The following HNRNPDL variants were observed in gnomAD, a reference collection of about 807,000 sequenced individuals.
HNRNPDL encodes heterogeneous nuclear ribonucleoprotein D like.
In HNRNPDL, 18 loss-of-function variants were observed where a neutral mutation model predicts 48.0. That is an observed-to-expected ratio of 0.38 (90% CI 0.26 to 0.56). HNRNPDL has a LOEUF of 0.56. HNRNPDL is among the 20% of genes least tolerant of loss of function. The pLI is 0.77. For missense variants in HNRNPDL, 553 were observed against 540.7 expected (o/e 1.02, Z -0.23); for synonymous variants, 306 against 207.3 (o/e 1.48, Z -4.09).
Position 82,422,787 on chromosome 4 carries a change from T to C in HNRNPDL, c.*2119A>G, listed in dbSNP as rs575043451. On this transcript the variant is annotated 3_prime_UTR_variant, in exon 8 of 8. Transcript: ENST00000295470. ...TTAATTTCTATCCTCTTCCCGAGGA[T>C]AACATCACACAGAATTTGGTCTAAA... 1.3e-5 allele frequency: 2 copies of C among 152,344 alleles called. No homozygotes were observed. The highest frequency in any genetic ancestry group is 1.5e-5 in the Non-Finnish European group (1 of 68,030). The allele number at this position is 152,344 out of a possible 1,614,324, so 9.4% of individuals were successfully genotyped here. A position where few individuals can be genotyped will look rare whatever the true frequency, so the allele number is the denominator to read the frequency against.
chr4:82,427,355 A>T, intron 4 of HNRNPDL, 51 bp from the exon 5 acceptor site: 1 of 1,533,048 alleles, frequency 6.5e-7, no homozygotes, highest in Non-Finnish European at 8.8e-7. Context: ...TCTAAAATTA[A>T]ATCATTTTAT....
chr4:82,428,545 CT>C, intron 1 of HNRNPDL, 99 bp from the exon 2 acceptor site: 2 of 907,732 alleles, frequency 2.2e-6, no homozygotes, highest in Middle Eastern at 2.9e-4. Context: ...CATTTACCCC[CT>C]AAGTGTAGGC....
chr4:82,427,481 T>A lies in HNRNPDL; in HGVS notation c.858A>T (p.Pro286=). 1 of 1,611,028 alleles carries A rather than the reference T, an allele frequency of 6.2e-7. No individual in the cohort carries two copies. The highest frequency in any genetic ancestry group is 1.7e-5 in the Admixed American group (1 of 59,548). The stretch of plus-strand genomic sequence containing the variant: ...ATCTGCTTTCTAACAATTTTTTTAC[T>A]GGCTCTTCATCAGTATATGTGATAA... ...FCFITYTDEE[P]VKKLLESRYH... Residue 286 remains proline (P), a synonymous_variant, in exon 4 of 8, where the codon CCA becomes CCT. Transcript: ENST00000295470.
Position 82,424,415 on chromosome 4 carries a change from G to A in HNRNPDL, c.*491C>T, listed in dbSNP as rs1412458285. 2.0e-5 allele frequency: 3 copies of A among 152,608 alleles called. No homozygotes were observed. Among genetic ancestry groups the A allele is most frequent in the African/African-American group, 4.8e-5 (2 of 41,450 alleles). 9.5% of individuals were successfully genotyped at this position (152,608 alleles called of 1,614,324 possible). On this transcript the variant is annotated 3_prime_UTR_variant, in exon 8 of 8. Coordinates refer to ENST00000295470, the MANE Select transcript of HNRNPDL (RefSeq NM_031372.4). ...GGAAAGAACATTGTTCAAAGGTGTG[G>A]TAGAAATCTCAGTTACAGGGAGAAG...
Position 82,426,122 on chromosome 4 carries a change from C to G in HNRNPDL, c.1200G>C (p.Gln400His). The G allele has an allele frequency of 1.2e-6, 2 of 1,613,520 alleles. No individual in the cohort carries two copies. Among genetic ancestry groups the G allele is most frequent in the Non-Finnish European group, 1.7e-6 (2 of 1,179,696 alleles). The change falls in exon 7 of 8, where the codon CAG becomes CAC. Residue 400 changes from glutamine (Q) to histidine (H), a missense_variant. This residue lies in a region of HNRNPDL where 9 missense variants were observed against 28.9 expected (regional missense o/e 0.31). Coordinates refer to ENST00000295470, the MANE Select transcript of HNRNPDL (RefSeq NM_031372.4). ...GQGYADYSGQ[Q>H]STYGKASRGG... ...CTCGAGATGCCTTGCCATAAGTGCT[C>G]TGTTGGCCTATTTTGAAAACACAGA...
Position 82,429,436 on chromosome 4 carries a change from G to A in HNRNPDL, c.255C>T (p.Leu85=), listed in dbSNP as rs773462746. 40 of 1,612,022 alleles carry A rather than the reference G, an allele frequency of 2.5e-5. No individual in the cohort carries two copies. In the Admixed American group the frequency reaches 3.0e-4, roughly 12 times the overall value. The part of the protein sequence containing the change: ...IKGGRRRRPD[L]FRRHFKSSSI... ...AGCTGGATTTAAAATGGCGGCGGAAGAGATCCGGGCGCCGCCTGCGCCCTC... is the reference window on the plus strand; with the variant it reads ...AGCTGGATTTAAAATGGCGGCGGAAAAGATCCGGGCGCCGCCTGCGCCCTC... The change falls in exon 1 of 8, where the codon CTC becomes CTT. Residue 85 remains leucine, a synonymous_variant. Coordinates refer to ENST00000295470, the MANE Select transcript of HNRNPDL (RefSeq NM_031372.4).
chr4:82,429,653 G>T lies in HNRNPDL; in HGVS notation c.38C>A (p.Pro13Gln). ...VPPRLSHVPP[P>Q]LFPSAPATLA... ...AGTAGCGGGAGCGGAGGGGAACAATGGCGGCGGCACATGGGAAAGCCTGGG... is the reference window on the plus strand; with the variant it reads ...AGTAGCGGGAGCGGAGGGGAACAATTGCGGCGGCACATGGGAAAGCCTGGG... The change falls in exon 1 of 8, where the codon CCA becomes CAA. Residue 13 changes from proline to glutamine, a missense_variant. Physicochemically the swap from Pro to Gln is moderately conservative, Grantham distance 76 (BLOSUM62 -1). Transcript: ENST00000295470. 1 of 1,366,540 alleles carries T rather than the reference G, an allele frequency of 7.3e-7. No individual in the cohort carries two copies. The highest frequency in any genetic ancestry group is 3.0e-5 in the East Asian group (1 of 33,050). 84.7% of individuals were successfully genotyped at this position (1,366,540 alleles called of 1,614,324 possible).
intron 1 of HNRNPDL, 24 bp downstream of exon 1, chr4:82,429,224 A>AGCGGGG: frequency 1.3e-6 from 2 of 1,598,456 alleles, no homozygotes; most frequent in Non-Finnish European, 1.7e-6. Context: ...GGGGAGGGGG[A>AGCGGGG]GCGGGGGAAG....
At position 82,429,643 on chromosome 4, in the gene HNRNPDL, G is replaced by A. The variant is rs560994334; in HGVS notation, c.48C>T (p.Pro16=). ...RLSHVPPPLF[P]SAPATLASRS... ...GGGAGGCTAAAGTAGCGGGAGCGGA[G>A]GGGAACAATGGCGGCGGCACATGGG... Residue 16 remains proline, a synonymous_variant, in exon 1 of 8, where the codon CCC becomes CCT. Coordinates refer to ENST00000295470, the MANE Select transcript of HNRNPDL (RefSeq NM_031372.4). 44 of 1,369,004 alleles carry A rather than the reference G, an allele frequency of 3.2e-5. No individual in the cohort carries two copies. Among genetic ancestry groups the A allele is most frequent in the South Asian group, 2.8e-4 (16 of 56,234 alleles). 84.8% of individuals were successfully genotyped at this position (1,369,004 alleles called of 1,614,324 possible).
At position 82,426,613 on chromosome 4, in the gene HNRNPDL, G is replaced by A. The variant is rs1319858468; in HGVS notation, c.1042C>T (p.Gln348Ter). The change falls in exon 6 of 8, where the codon CAA becomes TAA. Residue 348 changes from glutamine (Q) to a stop codon, truncating the protein, a stop_gained. Transcript: ENST00000295470. LOFTEE classifies it high-confidence loss of function. ...TGATCATAATAGTTATTAAATCCTTGGTTCCAGTTTTGGCCCTGACCTGAA... is the reference window on the plus strand; with the variant it reads ...TGATCATAATAGTTATTAAATCCTTAGTTCCAGTTTTGGCCCTGACCTGAA... The part of the protein sequence containing the change: ...RGRGQGQNWN[Q>*]GFNNYYDQGY... The A allele has an allele frequency of 6.2e-7, 1 of 1,613,454 alleles. No individual in the cohort carries two copies. The highest frequency in any genetic ancestry group is 1.3e-5 in the African/African-American group (1 of 74,812).
Position 82,428,436 on chromosome 4 carries a change from T to C in HNRNPDL, c.454A>G (p.Ile152Val). The change falls in exon 2 of 8, where the codon ATT (isoleucine) becomes GTT (valine). Residue 152 changes from isoleucine to valine, a missense_variant. By Grantham distance (29) the Ile-to-Val change is conservative. Around this residue, in one of 4 missense-constraint regions of HNRNPDL, gnomAD observed 43 missense variants for 104.0 expected, o/e 0.41. Coordinates refer to ENST00000295470, the MANE Select transcript of HNRNPDL (RefSeq NM_031372.4). ...CTTGTATCCCAGCTCAAGCCTCCAA[T>C]AAACATTTTACTAGAAATAAAAGTG... is the stretch of plus-strand genomic sequence containing the variant. ...KNQQDDGKMF[I>V]GGLSWDTSKK... 6.3e-7 allele frequency: 1 copy of C among 1,598,864 alleles called. No individual in the cohort carries two copies. Among genetic ancestry groups the C allele is most frequent in the South Asian group, 1.1e-5 (1 of 88,778 alleles).
In HNRNPDL at chr4:82,422,773, C is replaced by G. The variant is rs117839267; in HGVS notation, c.*2133G>C. ...TAGGTACTTTAGAATTAATTTCTAT[C>G]CTCTTCCCGAGGATAACATCACACA... is the stretch of plus-strand genomic sequence containing the variant. On this transcript the variant is annotated 3_prime_UTR_variant, in exon 8 of 8. Transcript: ENST00000295470. The G allele has an allele frequency of 2.0e-5, 3 of 152,138 alleles. No individual in the cohort carries two copies. The East Asian group carries it at 5.8e-4, about 29-fold the overall frequency. The allele number at this position is 152,138 out of a possible 1,614,324, so 9.4% of individuals were successfully genotyped here.
rs181209193 is a variant in HNRNPDL, at chr4:82,426,561, T to G, written c.1094A>C (p.Tyr365Ser). The part of the protein sequence containing the change: ...DQGYGNYNSA[Y>S]GGDQNYSGYG... ...GCCACTATAGTTTTGATCACCACCATAGGCACTATTGTAATTTCCATATCC... is the reference window on the plus strand; with the variant it reads ...GCCACTATAGTTTTGATCACCACCAGAGGCACTATTGTAATTTCCATATCC... The change falls in exon 6 of 8, where the codon TAT (tyrosine) becomes TCT (serine). Residue 365 changes from tyrosine (Y) to serine (S), a missense_variant. Tyr to Ser is a moderately radical substitution (Grantham distance 144, BLOSUM62 -2). Coordinates refer to ENST00000295470, the MANE Select transcript of HNRNPDL (RefSeq NM_031372.4). 1.9e-6 allele frequency: 3 copies of G among 1,613,348 alleles called. No individual in the cohort carries two copies. The highest frequency in any genetic ancestry group is 1.7e-5 in the Admixed American group (1 of 60,028).
chr4:82,424,020 A>C lies in HNRNPDL; in HGVS notation c.*886T>G, dbSNP rs1208120273. On this transcript the variant is annotated 3_prime_UTR_variant, in exon 8 of 8. Transcript: ENST00000295470. ...CTTGTGGCGGCTCTGAGAAAACACAACTAAATCTTATTTTGCCACTATTTT... is the reference window on the plus strand; with the variant it reads ...CTTGTGGCGGCTCTGAGAAAACACACCTAAATCTTATTTTGCCACTATTTT... 6.6e-6 allele frequency: 1 copy of C among 152,136 alleles called. No individual in the cohort carries two copies. The highest frequency in any genetic ancestry group is 6.5e-5 in the Admixed American group (1 of 15,282). The allele number at this position is 152,136 out of a possible 1,614,324, so 9.4% of individuals were successfully genotyped here. A position where few individuals can be genotyped will look rare whatever the true frequency, so the allele number is the denominator to read the frequency against.
chr4:82,425,054 G>C (rs1040554770), intron 7 of HNRNPDL, 171 bp from the exon 8 acceptor site: 1 of 152,136 alleles, frequency 6.6e-6, no homozygotes, highest in Admixed American at 6.5e-5. Flanking sequence ...TCACCCTGGA[G>C]TTCCCAAATG....
chr4:82,425,954 A>G (rs1336786956), intron 7 of HNRNPDL, 83 bp downstream of exon 7: 19 of 918,560 alleles, frequency 2.1e-5, no homozygotes, highest in Middle Eastern at 3.2e-4. Flanking sequence ...GCTACATAGT[A>G]TTTTGTTTTT....
At chr4:82,427,331 A>G in intron 4 of HNRNPDL, 27 bp from the exon 5 acceptor site, 1 of 1,544,744 alleles carries the variant, frequency 6.5e-7, no homozygotes, top group Non-Finnish European at 8.8e-7. Context: ...TGAAAGTATA[A>G]TTTTTACCGA....
In HNRNPDL at chr4:82,429,677, G is replaced by C; in HGVS notation, c.14C>G (p.Pro5Arg). 1 of 1,357,492 alleles carries C rather than the reference G, an allele frequency of 7.4e-7. No individual in the cohort carries two copies. Among genetic ancestry groups the C allele is most frequent in the Non-Finnish European group, 9.5e-7 (1 of 1,056,188 alleles). 84.1% of individuals were successfully genotyped at this position (1,357,492 alleles called of 1,614,324 possible). A position where few individuals can be genotyped will look rare whatever the true frequency, so the allele number is the denominator to read the frequency against. ...TGGCGGCGGCACATGGGAAAGCCTG[G>C]GCGGGACCTCCATCGCGGCCCTCCC... MEVP[P>R]RLSHVPPPLF... The change falls in exon 1 of 8, where the codon CCC becomes CGC. Residue 5 changes from proline (P) to arginine (R), a missense_variant. Pro to Arg is a moderately radical substitution (Grantham distance 103). This residue lies in a region of HNRNPDL where 327 missense variants were observed against 203.2 expected (regional missense o/e 1.61). Transcript: ENST00000295470.
chr4:82,426,237 A>T, intron 6 of HNRNPDL, 108 bp from the exon 7 acceptor site: 2 of 1,096,328 alleles, frequency 1.8e-6, no homozygotes, highest in Non-Finnish European at 2.8e-6. Flanking sequence ...AAAAAGTATT[A>T]AGATATTTTA....
Sources: gnomAD v4.1 joint callset for allele counts on GRCh38, gnomAD v4.1.1 for gene constraint, gnomAD v4.1.1 regional missense constraint, MANE v1.5 for transcripts, NCBI Gene and HGNC (gene_info 2026-07-23, HGNC 2026-07-21) for gene names.